Variants in ARHGAP26 observed in about 807,000 individuals in gnomAD.
ARHGAP26 encodes the protein rho GTPase-activating protein 26.
ARHGAP26 carries 38 observed loss-of-function variants against 104.8 expected under a neutral mutation model. That is an observed-to-expected ratio of 0.36 (90% CI 0.28 to 0.48). The LOEUF (loss-of-function observed/expected upper bound fraction) is 0.48. Among genes scored for constraint, ARHGAP26 ranks in the 20% least tolerant of loss-of-function variants. The pLI is 0.99. For synonymous variants in ARHGAP26, 341 were observed against 340.0 expected, an observed-to-expected ratio of 1.00 and a Z score of -0.03; for missense variants, 704 against 947.9, an observed-to-expected ratio of 0.74 and a Z score of 3.38.
intron 1 of ARHGAP26, among the ~76,000 whole-genome samples, chr5:142,788,397 C>T (rs1299328927): frequency 6.6e-6 from 1 of 152,102 alleles, no homozygotes; most frequent in East Asian, 1.9e-4. Flanking sequence ...ACCTTGGGGA[C>T]AAAGAGAAGA....
intron 1 of ARHGAP26, among the ~76,000 whole-genome samples, chr5:142,781,929 A>C (rs758931415): frequency 5.9e-5 from 9 of 151,878 alleles, no homozygotes; most frequent in Non-Finnish European, 1.0e-4. Context: ...GTTACTCAGG[A>C]TGGTCTCAAT....
At position 143,226,488 on chromosome 5, in the gene ARHGAP26, A is replaced by T. The variant is rs1330867293; in HGVS notation, c.*4042A>T. 5 of 31,270 alleles carry T rather than the reference A, an allele frequency of 1.6e-4. No individual in the cohort carries two copies. The highest frequency in any genetic ancestry group is 2.1e-4 in the Non-Finnish European group (4 of 19,506). 1.9% of individuals were successfully genotyped at this position (31,270 alleles called of 1,614,324 possible). ...AGAGCCAGACTCCGTCTCAAAGGAA[A>T]AAAAAAAAAAAAAAAAAAGAATGCC... is the stretch of plus-strand genomic sequence containing the variant. On this transcript the variant is annotated 3_prime_UTR_variant, in exon 23 of 23. Coordinates refer to ENST00000645722, the MANE Select transcript of ARHGAP26 (RefSeq NM_001135608.3).
At chr5:143,003,103 A>G (rs1777418329) in intron 11 of ARHGAP26, among the ~76,000 whole-genome samples, 1 of 152,308 alleles carries the variant, frequency 6.6e-6, no homozygotes, top group East Asian at 1.9e-4. Flanking sequence ...AGCGGAGGAG[A>G]AGCACCCACA....
chr5:142,846,921 A>G (rs1457706526), intron 1 of ARHGAP26, among the ~76,000 whole-genome samples: 3 of 152,216 alleles, frequency 2.0e-5, no homozygotes, highest in African/African-American at 7.2e-5. Context: ...TCGGTGTGCT[A>G]AGGACTTTTC....
At chr5:142,840,354 G>C (rs2152181692) in intron 1 of ARHGAP26, among the ~76,000 whole-genome samples, 1 of 152,238 alleles carries the variant, frequency 6.6e-6, no homozygotes, top group African/African-American at 2.4e-5. Flanking sequence ...TAATACATTG[G>C]TTATTTTTTT....
intron 1 of ARHGAP26, among the ~76,000 whole-genome samples, chr5:142,825,476 C>T (rs929374806): frequency 2.0e-5 from 3 of 152,114 alleles, no homozygotes; most frequent in Non-Finnish European, 4.4e-5. Flanking sequence ...GTCTCCTTCC[C>T]GTTGTCCAGC....
intron 2 of ARHGAP26, among the ~76,000 whole-genome samples, chr5:142,873,785 T>C (rs1183994704): frequency 1.3e-5 from 2 of 152,084 alleles, no homozygotes; most frequent in Non-Finnish European, 2.9e-5. Flanking sequence ...GGTGACATTC[T>C]TCCCCTTCAA....
chr5:143,132,922 C>T (rs1254924991), intron 18 of ARHGAP26, among the ~76,000 whole-genome samples: 1 of 150,690 alleles, frequency 6.6e-6, no homozygotes, highest in East Asian at 1.9e-4. Context: ...GCTACTGAAC[C>T]TCCCTGAGCC....
intron 12 of ARHGAP26, among the ~76,000 whole-genome samples, chr5:143,015,069 A>G (rs780932111): frequency 1.3e-5 from 2 of 152,080 alleles, no homozygotes; most frequent in Non-Finnish European, 2.9e-5. Flanking sequence ...GGAGTTTTGT[A>G]TGAAATATTA....
chr5:142,814,481 C>G (rs973937724), intron 1 of ARHGAP26, among the ~76,000 whole-genome samples: 1 of 152,120 alleles, frequency 6.6e-6, no homozygotes, highest in Non-Finnish European at 1.5e-5. Flanking sequence ...TGAAAGAGAC[C>G]TGGAACAGGA....
At chr5:143,047,785 T>C (rs900075783) in intron 14 of ARHGAP26, among the ~76,000 whole-genome samples, 1 of 152,176 alleles carries the variant, frequency 6.6e-6, no homozygotes. Context: ...TATTTTTCTA[T>C]TGGTATGTTC....
chr5:142,907,885 C>G, intron 9 of ARHGAP26, 81 bp downstream of exon 9: 6 of 841,368 alleles, frequency 7.1e-6, no homozygotes, highest in Non-Finnish European at 1.1e-5. Flanking sequence ...AGTAACACCT[C>G]CAGTGTTATA....
chr5:142,970,284 GAAATGAAAT>G (rs1377662632), intron 11 of ARHGAP26, among the ~76,000 whole-genome samples: 1 of 152,208 alleles, frequency 6.6e-6, no homozygotes, highest in Non-Finnish European at 1.5e-5. Context: ...TAAGGGTCAT[GAAATGAAAT>G]AAATGGAGTA....
At chr5:142,844,153 C>T (rs753999083) in intron 1 of ARHGAP26, among the ~76,000 whole-genome samples, 1 of 148,740 alleles carries the variant, frequency 6.7e-6, no homozygotes, top group Non-Finnish European at 1.5e-5. Context: ...TGGGTTTGAG[C>T]GATTCTCATG....
chr5:143,151,323 G>A (rs533192364), intron 20 of ARHGAP26, among the ~76,000 whole-genome samples: 1 of 152,290 alleles, frequency 6.6e-6, no homozygotes, highest in South Asian at 2.1e-4. Flanking sequence ...TTACTGGTGG[G>A]AATACAAAGT....
chr5:143,153,465 G>C (rs537116667), intron 20 of ARHGAP26, among the ~76,000 whole-genome samples: 5 of 152,188 alleles, frequency 3.3e-5, no homozygotes, highest in African/African-American at 1.2e-4. Context: ...GACCAGTGGG[G>C]CATCATGCCA....
intron 17 of ARHGAP26, among the ~76,000 whole-genome samples, chr5:143,099,835 T>A (rs1792954848): frequency 6.6e-6 from 1 of 152,160 alleles, no homozygotes; most frequent in Admixed American, 6.5e-5. Context: ...CATAAAATAG[T>A]TATGTTTCAA....
At chr5:142,958,539 G>C (rs574673167) in intron 11 of ARHGAP26, among the ~76,000 whole-genome samples, 2 of 152,222 alleles carry the variant, frequency 1.3e-5, no homozygotes, top group East Asian at 3.9e-4. Context: ...GTGGTGGCAT[G>C]TGCCTGTAGT....
chr5:143,070,871 C>A (rs887289826), intron 17 of ARHGAP26, among the ~76,000 whole-genome samples: 1 of 152,018 alleles, frequency 6.6e-6, no homozygotes, highest in African/African-American at 2.4e-5. Context: ...AAGATTGTGC[C>A]ACTGCACTCC....
Sources: allele counts gnomAD v4.1 joint callset (sites outside exome capture counted in the v4.1 genomes callset), GRCh38; gene constraint gnomAD v4.1.1; transcripts MANE v1.5; gene names NCBI Gene and HGNC (gene_info 2026-07-23, HGNC 2026-07-21).